The following ZNF345 variants were observed in gnomAD, a reference collection of about 807,000 sequenced individuals.
ZNF345 encodes zinc finger protein 345, also known as zinc finger protein HZF10.
For synonymous variants in ZNF345, 166 were observed against 187.9 expected (o/e 0.88, Z 0.95); for missense variants, 527 against 589.9 (o/e 0.89, Z 1.10).
intron 2 of ZNF345, among the ~76,000 whole-genome samples, chr19:36,866,099 T>C (rs1160846242): frequency 6.6e-6 from 1 of 152,152 alleles, no homozygotes; most frequent in African/African-American, 2.4e-5. Flanking sequence ...TCATAAATTA[T>C]ATTAGCCCAA....
chr19:36,892,795 AAT>A, intron 3 of ZNF345: 4 of 573,416 alleles, frequency 7.0e-6, no homozygotes, highest in Non-Finnish European at 1.0e-5. Flanking sequence ...AAAAAAAAAA[AAT>A]TTTTTTTGCC....
At chr19:36,876,414 A>G (rs2072882436) in intron 2 of ZNF345, among the ~76,000 whole-genome samples, 1 of 152,192 alleles carries the variant, frequency 6.6e-6, no homozygotes. Context: ...TGTTTATAGC[A>G]CTAGATTCAT....
At chr19:36,880,338 T>TA (rs2072960971), downstream of ZNF345, among the ~76,000 whole-genome samples, 1 of 151,540 alleles carries the variant, frequency 6.6e-6, no homozygotes, top group South Asian at 2.1e-4. Flanking sequence ...AATAAATAAA[T>TA]AAAAAATTGT....
intron 2 of ZNF345, among the ~76,000 whole-genome samples, chr19:36,853,219 A>G (rs559594148): frequency 6.6e-5 from 10 of 150,632 alleles, no homozygotes; most frequent in South Asian, 4.2e-4. Context: ...TTTGGTCTTA[A>G]AGCCAAAAGC....
Position 36,877,966 on chromosome 19 carries a change from T to G in ZNF345, c.1136T>G (p.Phe379Cys). 1.2e-6 allele frequency: 2 copies of G among 1,613,966 alleles called. No individual in the cohort carries two copies. Among genetic ancestry groups the G allele is most frequent in the Non-Finnish European group, 1.7e-6 (2 of 1,179,886 alleles). ...GAATGTAAGGAATGTGGGAAGGCCT[T>G]TGGTAGTGGCTCAAAACTTATCCAA... ...PYECKECGKA[F>C]GSGSKLIQHQ... Residue 379 changes from phenylalanine (F) to cysteine (C), a missense_variant, in exon 3 of 3, where the codon TTT becomes TGT. Physicochemically the swap from Phe to Cys is radical, Grantham distance 205 (BLOSUM62 -2). Transcript: ENST00000420450.
chr19:36,850,434 A>C (rs1034986202), upstream of ZNF345: 1 of 152,320 alleles, frequency 6.6e-6, no homozygotes, highest in Non-Finnish European at 1.5e-5. Flanking sequence ...GCAATAGTCA[A>C]CTTCCAATAC....
rs2072273148 is a variant in ZNF345 at position 36,851,835 on chromosome 19, C to A, written c.-116C>A. On this transcript the variant is annotated 5_prime_UTR_variant, in exon 2 of 3. Coordinates refer to ENST00000420450, the MANE Select transcript of ZNF345 (RefSeq NM_001242472.2). ...ACTGCTTTCTCCTTCCTCAGCCCTG[C>A]CCTGCTTGGATAGAGGCCTCCGAAC... The A allele has an allele frequency of 6.6e-6, 1 of 152,282 alleles. No homozygotes were observed. Among genetic ancestry groups the A allele is most frequent in the African/African-American group, 2.4e-5 (1 of 41,440 alleles). 9.4% of individuals were successfully genotyped at this position (152,282 alleles called of 1,614,324 possible).
chr19:36,892,785 A>T (rs77468493), intron 3 of ZNF345: 17 of 347,200 alleles, frequency 4.9e-5, no homozygotes, highest in Admixed American at 3.1e-4. Flanking sequence ...GATTCTAATT[A>T]AAAAAAAAAA....
chr19:36,850,889 C>G lies in ZNF345; in HGVS notation c.-201C>G, dbSNP rs532995497. On this transcript the variant is annotated 5_prime_UTR_variant, in exon 1 of 3. Transcript: ENST00000420450. Reference sequence around the variant, plus strand: ...GGATCTTCCCGCGGATTTGGGCAAGCGGCCTTGGGGCTTTGTGAGATAGCT... The same window carrying G: ...GGATCTTCCCGCGGATTTGGGCAAGGGGCCTTGGGGCTTTGTGAGATAGCT... The G allele has an allele frequency of 2.6e-5, 4 of 152,510 alleles. No homozygotes were observed. The highest frequency in any genetic ancestry group is 9.6e-5 in the African/African-American group (4 of 41,566). The allele number at this position is 152,510 out of a possible 1,614,324, so 9.4% of individuals were successfully genotyped here.
chr19:36,868,600 T>C (rs527440989), intron 2 of ZNF345, among the ~76,000 whole-genome samples: 8 of 152,042 alleles, frequency 5.3e-5, no homozygotes, highest in African/African-American at 1.9e-4. Flanking sequence ...TGGGTACCCA[T>C]TGCAGTTCCA....
downstream of ZNF345, among the ~76,000 whole-genome samples, chr19:36,882,070 C>A (rs967788149): frequency 4.7e-5 from 7 of 150,064 alleles, 1 homozygote; most frequent in Admixed American, 3.3e-4. Flanking sequence ...TTAAAAAAAA[C>A]CTTATCTGGG....
intron 2 of ZNF345, among the ~76,000 whole-genome samples, chr19:36,852,359 T>C (rs1273170237): frequency 2.0e-5 from 3 of 152,178 alleles, no homozygotes; most frequent in Admixed American, 6.5e-5. Flanking sequence ...ATGCCTGTAA[T>C]CCCAGCACTT....
At chr19:36,874,145 CTTTTAGT>C (rs2072829808) in intron 2 of ZNF345, among the ~76,000 whole-genome samples, 1 of 152,148 alleles carries the variant, frequency 6.6e-6, no homozygotes, top group Admixed American at 6.5e-5. Context: ...GCTTTCCTTA[CTTTTAGT>C]TAAGATTATA....
intron 2 of ZNF345, among the ~76,000 whole-genome samples, chr19:36,869,181 C>G (rs2072725013): frequency 6.6e-6 from 1 of 152,068 alleles, no homozygotes; most frequent in Admixed American, 6.6e-5. Context: ...GTTCCCATGA[C>G]TCCCTCCCCC....
chr19:36,891,874 G>A, intron 3 of ZNF345: 2 of 1,613,846 alleles, frequency 1.2e-6, no homozygotes. Flanking sequence ...TGAGTGTTGA[G>A]TAAAGGCTTT....
intron 2 of ZNF345, among the ~76,000 whole-genome samples, chr19:36,852,588 A>AGAGT: frequency 6.6e-6 from 1 of 150,594 alleles, no homozygotes; most frequent in Non-Finnish European, 1.5e-5. Flanking sequence ...GCCTGGTGAC[A>AGAGT]GAGTGAGACT....
chr19:36,887,963 T>C (rs1035151158), intron 3 of ZNF345, among the ~76,000 whole-genome samples: 3 of 152,146 alleles, frequency 2.0e-5, no homozygotes, highest in Admixed American at 6.5e-5. Flanking sequence ...TTACTACATG[T>C]GAAAAAGATT....
At chr19:36,887,803 C>T (rs2073011619) in intron 3 of ZNF345, among the ~76,000 whole-genome samples, 1 of 152,160 alleles carries the variant, frequency 6.6e-6, no homozygotes, top group Non-Finnish European at 1.5e-5. Context: ...CTTATTGGGT[C>T]TCCTGAACTC....
intron 3 of ZNF345, chr19:36,892,031 T>C (rs2073059054): frequency 6.2e-7 from 1 of 1,613,534 alleles, no homozygotes; most frequent in African/African-American, 1.3e-5. Context: ...TCATTAAGGT[T>C]TGAGCAATAC....
Sources: gnomAD v4.1 joint callset for allele counts (sites outside exome capture counted in the v4.1 genomes callset) on GRCh38, gnomAD v4.1.1 for gene constraint, MANE v1.5 for transcripts, NCBI Gene and HGNC (gene_info 2026-07-23, HGNC 2026-07-21) for gene names.